PDE10A: variants seen among roughly 807,000 people sequenced by gnomAD.
The protein encoded by PDE10A is cAMP and cAMP-inhibited cGMP 3',5'-cyclic phosphodiesterase 10A.
PDE10A carries 39 observed loss-of-function variants against 97.7 expected under a neutral mutation model. The observed-to-expected ratio is 0.40, with a 90% CI of 0.31 to 0.52. The LOEUF (loss-of-function observed/expected upper bound fraction) is 0.52. Among genes scored for constraint, PDE10A ranks in the 20% least tolerant of loss-of-function variants. PDE10A has a pLI of 0.56. For synonymous variants in PDE10A, 371 were observed against 376.8 expected (o/e 0.98, Z 0.18); for missense variants, 731 against 1,047.8 (o/e 0.70, Z 4.17).
intron 1 of PDE10A, among the ~76,000 whole-genome samples, chr6:165,967,746 A>C (rs903919761): frequency 6.6e-6 from 1 of 152,210 alleles, no homozygotes; most frequent in Non-Finnish European, 1.5e-5. Flanking sequence ...CTTTTGAGAT[A>C]GCCCTGTGAT....
chr6:165,667,548 A>G (rs1168650489), upstream of PDE10A, among the ~76,000 whole-genome samples: 2 of 152,086 alleles, frequency 1.3e-5, no homozygotes, highest in Non-Finnish European at 2.9e-5. Flanking sequence ...GTTTTTAATT[A>G]GAATATTTTT....
Position 165,742,994 on chromosome 6 carries a change from G to A in PDE10A, c.-614-199426C>T, listed in dbSNP as rs115848962. Among the ~76,000 whole-genome samples, 440 of 152,276 alleles carry A rather than the reference G, an allele frequency of 2.9e-3. 4 individuals are homozygous for A. The highest frequency in any genetic ancestry group is 0.01 in the African/African-American group (420 of 41,550). Reference sequence around the variant, plus strand: ...CATAGGAAAAAGAAAAAGCACTGGCGCCTGCAGATTGTCTCAGAGCCTGGT... The same window carrying A: ...CATAGGAAAAAGAAAAAGCACTGGCACCTGCAGATTGTCTCAGAGCCTGGT... On this transcript the variant is annotated intron_variant, in intron 1 of 19. Transcript: ENST00000366882.
intron 1 of PDE10A, among the ~76,000 whole-genome samples, chr6:165,584,455 C>T (rs1452765067): frequency 6.6e-6 from 1 of 152,160 alleles, no homozygotes; most frequent in Non-Finnish European, 1.5e-5. Context: ...TTGTTTGAGA[C>T]TTCCCAGCAG....
chr6:165,619,729 G>A (rs952407202), intron 1 of PDE10A, among the ~76,000 whole-genome samples: 4 of 150,768 alleles, frequency 2.7e-5, no homozygotes, highest in Admixed American at 6.6e-5. Context: ...CCAGTGTAGT[G>A]TAGTGTAGTC....
At chr6:165,353,304 C>A (rs1445949336) in intron 18 of PDE10A, among the ~76,000 whole-genome samples, 2 of 152,078 alleles carry the variant, frequency 1.3e-5, no homozygotes, top group East Asian at 3.9e-4. Flanking sequence ...TGAAATAATT[C>A]ATAATTATTC....
chr6:165,366,948 T>G (rs928410150), intron 18 of PDE10A, among the ~76,000 whole-genome samples: 1 of 152,012 alleles, frequency 6.6e-6, no homozygotes, highest in African/African-American at 2.4e-5. Flanking sequence ...TTATGTAATA[T>G]ACAAATATAA....
chr6:165,447,290 A>G lies in PDE10A; in HGVS notation c.1194+1638T>C, dbSNP rs189091467. On this transcript the variant is annotated intron_variant, in intron 5 of 21. Transcript: ENST00000539869. The stretch of plus-strand genomic sequence containing the variant: ...CAGGGCAGGAGAGACCAGCCTGTAG[A>G]GGCAGCCTCAACTTCAGGATTGTTA... 5.6e-4 allele frequency among the ~76,000 whole-genome samples: 86 copies of G among 152,298 alleles called. 1 individual carries two copies. Among genetic ancestry groups the G allele is most frequent in the African/African-American group, 2.0e-3 (84 of 41,578 alleles).
chr6:165,749,701 T>C (rs1473863083), intron 1 of PDE10A, among the ~76,000 whole-genome samples: 2 of 152,384 alleles, frequency 1.3e-5, no homozygotes, highest in African/African-American at 4.8e-5. Context: ...TCTAATTTTT[T>C]AAACTTTTAT....
At chr6:165,802,859 T>C (rs952361794) in intron 1 of PDE10A, among the ~76,000 whole-genome samples, 5 of 152,240 alleles carry the variant, frequency 3.3e-5, no homozygotes, top group Admixed American at 6.5e-5. Flanking sequence ...TCGCATGGTT[T>C]TCACTTAGGT....
chr6:165,792,468 TC>T (rs1162525555), intron 1 of PDE10A, among the ~76,000 whole-genome samples: 2 of 152,216 alleles, frequency 1.3e-5, no homozygotes, highest in African/African-American at 4.8e-5. Flanking sequence ...GCTTCTCTTC[TC>T]AGGGCACTTG....
intron 1 of PDE10A, among the ~76,000 whole-genome samples, chr6:165,557,398 T>C (rs1017839933): frequency 1.2e-4 from 18 of 152,158 alleles, no homozygotes; most frequent in African/African-American, 3.9e-4. Flanking sequence ...ATAACAACCA[T>C]AATTTCTTAT....
chr6:165,364,815 A>G (rs1381322949), intron 18 of PDE10A, among the ~76,000 whole-genome samples: 1 of 152,218 alleles, frequency 6.6e-6, no homozygotes, highest in Non-Finnish European at 1.5e-5. Context: ...ATAAAAAACA[A>G]GCAAACATCC....
intron 1 of PDE10A, among the ~76,000 whole-genome samples, chr6:165,972,517 G>A (rs1238842164): frequency 6.6e-6 from 1 of 152,126 alleles, no homozygotes; most frequent in East Asian, 1.9e-4. Context: ...GAGACAAAGA[G>A]TTGGTTGTAC....
rs1391809068 is a variant in PDE10A at position 165,662,014 on chromosome 6, G to C, written c.798C>G (p.Asp266Glu). 2.0e-6 allele frequency: 3 copies of C among 1,503,062 alleles called. No homozygotes were observed. In the African/African-American group the frequency reaches 4.3e-5, roughly 21 times the overall value. The allele number at this position is 1,503,062 out of a possible 1,614,324, so 93.1% of individuals were successfully genotyped here. ...CATTATTAGAAGGTCCATCTTCCAT[G>C]TCGGAGCCGAAGAGCAGCGCGGCCG... The part of the protein sequence containing the change: ...AAAAALLFGS[D>E]MEDGPSNNAS... Residue 266 changes from aspartate to glutamate, a missense_variant, in exon 1 of 22, where the codon GAC becomes GAG. Asp to Glu is a conservative substitution (Grantham distance 45). This residue lies in a region of PDE10A where 181 missense variants were observed against 159.1 expected (regional missense o/e 1.14). Transcript: ENST00000539869.
intron 1 of PDE10A, among the ~76,000 whole-genome samples, chr6:165,619,136 A>ACTGTAGTCTAGTGTC (rs1787891395): frequency 1.4e-5 from 2 of 146,624 alleles, no homozygotes; most frequent in South Asian, 4.3e-4. Flanking sequence ...AGTCTAGTGT[A>ACTGTAGTCTAGTGTC]GTGTAGTCTA....
chr6:165,873,072 T>C (rs576137945), intron 1 of PDE10A, among the ~76,000 whole-genome samples: 1 of 152,292 alleles, frequency 6.6e-6, no homozygotes, highest in Non-Finnish European at 1.5e-5. Context: ...TTTGGCCAGG[T>C]TGTTCCTAGG....
At chr6:165,761,735 A>G (rs1425181306) in intron 1 of PDE10A, among the ~76,000 whole-genome samples, 2 of 152,064 alleles carry the variant, frequency 1.3e-5, no homozygotes, top group African/African-American at 4.8e-5. Context: ...AATTTATTAT[A>G]TATGCTTTAA....
Position 165,654,970 on chromosome 6 carries a change from C to G in PDE10A, c.865+6977G>C, listed in dbSNP as rs536380831. The stretch of plus-strand genomic sequence containing the variant: ...CCTATCCTCCGACTTCTGCTCACTC[C>G]CACTATTCACTCCTGGTCTCCATTC... On this transcript the variant is annotated intron_variant, in intron 1 of 21. Coordinates refer to ENST00000539869, the MANE Select transcript of PDE10A (RefSeq NM_001385079.1). 1.7e-3 allele frequency among the ~76,000 whole-genome samples: 265 copies of G among 152,320 alleles called. 1 individual carries two copies. The highest frequency in any genetic ancestry group is 0.01 in the Middle Eastern group (3 of 294).
chr6:165,475,561 C>T (rs934976609), intron 3 of PDE10A, among the ~76,000 whole-genome samples: 1 of 152,186 alleles, frequency 6.6e-6, no homozygotes, highest in African/African-American at 2.4e-5. Flanking sequence ...ATGAAAACGT[C>T]TCCTTCCCAA....
Sources: allele counts gnomAD v4.1 joint callset (sites outside exome capture counted in the v4.1 genomes callset), GRCh38; gene constraint gnomAD v4.1.1; regional missense constraint gnomAD v4.1.1; transcripts MANE v1.5; gene names NCBI Gene and HGNC (gene_info 2026-07-23, HGNC 2026-07-21).